CELF2: variants seen among roughly 807,000 people sequenced by gnomAD.
CELF2 encodes CUG triplet repeat RNA-binding protein 2.
CELF2 carries 8 observed loss-of-function variants against 62.6 expected under a neutral mutation model. The observed-to-expected ratio is 0.13, with a 90% CI of 0.07 to 0.23. CELF2 has a LOEUF of 0.23. Among genes scored for constraint, CELF2 ranks in the 10% least tolerant of loss-of-function variants. The pLI is 1.00. For missense variants in CELF2, 333 were observed against 671.0 expected (o/e 0.50, Z 5.56); for synonymous variants, 258 against 250.0 (o/e 1.03, Z -0.30).
At chr10:10,780,188 T>C in the CELF2 span, among the ~76,000 whole-genome samples, 2 of 152,238 alleles carry the variant, frequency 1.3e-5, no homozygotes, top group African/African-American at 4.8e-5. Flanking sequence ...TCTGATGTTA[T>C]TCAAATTCTC....
At chr10:11,149,821 C>T (rs925844642) in intron 1 of CELF2, among the ~76,000 whole-genome samples, 1 of 152,120 alleles carries the variant, frequency 6.6e-6, no homozygotes, top group Non-Finnish European at 1.5e-5. Flanking sequence ...TAGGAAGTTA[C>T]CTCATCATCT....
the CELF2 span, among the ~76,000 whole-genome samples, chr10:10,628,722 G>T: frequency 2.0e-5 from 3 of 152,020 alleles, no homozygotes; most frequent in East Asian, 5.8e-4. Flanking sequence ...CCAAGTCTTT[G>T]CTATTGTGAA....
At chr10:11,193,155 C>T (rs1450185800) in intron 2 of CELF2, among the ~76,000 whole-genome samples, 1 of 152,182 alleles carries the variant, frequency 6.6e-6, no homozygotes, top group Non-Finnish European at 1.5e-5. Context: ...CTTCCAGTGA[C>T]TTCGTGGAAT....
At chr10:10,734,529 A>G in the CELF2 span, among the ~76,000 whole-genome samples, 1 of 152,336 alleles carries the variant, frequency 6.6e-6, no homozygotes, top group East Asian at 1.9e-4. Flanking sequence ...ACAAGCCTGG[A>G]TGTCCTCTGT....
intron 1 of CELF2, among the ~76,000 whole-genome samples, chr10:10,867,198 C>A (rs1038708494): frequency 3.3e-5 from 5 of 152,090 alleles, no homozygotes; most frequent in African/African-American, 1.2e-4. Flanking sequence ...TTCAAGCTAC[C>A]AACATGATGT....
At chr10:11,240,992 T>C (rs1206920608) in intron 3 of CELF2, among the ~76,000 whole-genome samples, 1 of 152,098 alleles carries the variant, frequency 6.6e-6, no homozygotes, top group Non-Finnish European at 1.5e-5. Flanking sequence ...GGCCAAGTTA[T>C]TTAGCCTCTC....
At chr10:11,192,145 A>G (rs2076418862) in intron 2 of CELF2, among the ~76,000 whole-genome samples, 1 of 152,104 alleles carries the variant, frequency 6.6e-6, no homozygotes, top group Non-Finnish European at 1.5e-5. Context: ...TGAGATTCAT[A>G]CCTACTGAGG....
chr10:10,582,655 T>C, the CELF2 span, among the ~76,000 whole-genome samples: 2 of 152,184 alleles, frequency 1.3e-5, no homozygotes, highest in Admixed American at 1.3e-4. Context: ...ATAAGCATTG[T>C]TGAGTACTCT....
At chr10:10,667,712 C>G in the CELF2 span, among the ~76,000 whole-genome samples, 1 of 152,160 alleles carries the variant, frequency 6.6e-6, no homozygotes, top group Non-Finnish European at 1.5e-5. Flanking sequence ...ATACCAGTCC[C>G]CAATCCACTG....
chr10:10,626,413 C>G, the CELF2 span, among the ~76,000 whole-genome samples: 1 of 152,002 alleles, frequency 6.6e-6, no homozygotes. Context: ...CTGTACTAAA[C>G]GAGTTTCATA....
At chr10:10,732,304 C>A in the CELF2 span, among the ~76,000 whole-genome samples, 2 of 152,136 alleles carry the variant, frequency 1.3e-5, no homozygotes. Flanking sequence ...CATGTTAGAG[C>A]ATGTAGACAC....
At chr10:10,744,654 G>T in the CELF2 span, among the ~76,000 whole-genome samples, 3 of 151,700 alleles carry the variant, frequency 2.0e-5, no homozygotes, top group Non-Finnish European at 4.4e-5. Flanking sequence ...ATTTATCTGT[G>T]ACTATTATAC....
intron 2 of CELF2, among the ~76,000 whole-genome samples, chr10:11,175,808 C>T (rs1483729743): frequency 6.6e-6 from 1 of 152,184 alleles, no homozygotes; most frequent in South Asian, 2.1e-4. Flanking sequence ...AGTCATGTGG[C>T]AGTAGATGCT....
At chr10:10,640,767 G>A in the CELF2 span, among the ~76,000 whole-genome samples, 2 of 152,316 alleles carry the variant, frequency 1.3e-5, no homozygotes, top group African/African-American at 4.8e-5. Context: ...ACAAAGGAAA[G>A]AAAGAAAAAA....
At chr10:10,682,728 T>C in the CELF2 span, among the ~76,000 whole-genome samples, 2 of 152,246 alleles carry the variant, frequency 1.3e-5, no homozygotes, top group South Asian at 2.1e-4. Context: ...CTACCTGTTA[T>C]TGGATATCAG....
At chr10:10,556,775 G>C in the CELF2 span, among the ~76,000 whole-genome samples, 1 of 152,080 alleles carries the variant, frequency 6.6e-6, no homozygotes, top group African/African-American at 2.4e-5. Context: ...GCATTTCTCT[G>C]ATGGCCAGTT....
In CELF2 at chr10:11,196,127, AG is replaced by A. The variant is rs775611062; in HGVS notation, c.272-21297del. ...AATTAGGCTATTTTTATTGGCTAGC[AG>A]CTGTATTATCATATAAATCCCTGAA... On this transcript the variant is annotated intron_variant, in intron 2 of 12. Transcript: ENST00000633077. Among the ~76,000 whole-genome samples, 83 of 152,128 alleles carry A rather than the reference AG, an allele frequency of 5.5e-4. 1 individual carries two copies. Among genetic ancestry groups the A allele is most frequent in the Non-Finnish European group, 9.6e-4 (65 of 68,034 alleles).
intron 1 of CELF2, among the ~76,000 whole-genome samples, chr10:11,122,791 C>A (rs746593588): frequency 2.6e-5 from 4 of 152,188 alleles, no homozygotes; most frequent in African/African-American, 4.8e-5. Context: ...AGGAAACTTA[C>A]CTTCTTGGAC....
At chr10:11,049,711 G>T (rs1463862456) in intron 1 of CELF2, among the ~76,000 whole-genome samples, 1 of 152,056 alleles carries the variant, frequency 6.6e-6, no homozygotes, top group East Asian at 1.9e-4. Flanking sequence ...TACTCATAAT[G>T]ACTTGCCTGC....
Sources: allele counts gnomAD v4.1 joint callset (sites outside exome capture counted in the v4.1 genomes callset), GRCh38; gene constraint gnomAD v4.1.1; transcripts MANE v1.5; gene names NCBI Gene and HGNC (gene_info 2026-07-23, HGNC 2026-07-21).